The following FRMD4B variants were observed in gnomAD, a reference collection of about 807,000 sequenced individuals.
The protein encoded by FRMD4B is FERM domain-containing protein 4B.
FRMD4B carries 74 observed loss-of-function variants against 141.5 expected under a neutral mutation model. The observed-to-expected ratio is 0.52, with a 90% CI of 0.43 to 0.63. FRMD4B has a LOEUF of 0.63. Ranked by LOEUF, FRMD4B falls within the 30% of genes least tolerant of loss-of-function variation. The pLI is 0.00. For missense variants in FRMD4B, 1,366 were observed against 1,253.4 expected (o/e 1.09, Z -1.36); for synonymous variants, 506 against 467.9 (o/e 1.08, Z -1.05).
At chr3:69,404,555 T>G (rs568661090) in intron 2 of FRMD4B, among the ~76,000 whole-genome samples, 1 of 152,218 alleles carries the variant, frequency 6.6e-6, no homozygotes, top group Admixed American at 6.5e-5. Context: ...TTTATTATTA[T>G]TACTTCTATT....
chr3:69,171,760 C>A lies in FRMD4B; in HGVS notation c.*101G>T. 8.5e-7 allele frequency: 1 copy of A among 1,173,058 alleles called. No individual in the cohort carries two copies. Among genetic ancestry groups the A allele is most frequent in the Non-Finnish European group, 1.2e-6 (1 of 805,172 alleles). 72.7% of individuals were successfully genotyped at this position (1,173,058 alleles called of 1,614,324 possible). Reference sequence around the variant, plus strand: ...AAGTCTTCTCTTCAACCTTTGATGTCTTTAGGTTTCTAAAACGAACATCCT... The same window carrying A: ...AAGTCTTCTCTTCAACCTTTGATGTATTTAGGTTTCTAAAACGAACATCCT... On this transcript the variant is annotated 3_prime_UTR_variant, in exon 23 of 23. Transcript: ENST00000398540.
intron 11 of FRMD4B, among the ~76,000 whole-genome samples, chr3:69,210,191 G>A (rs4645139): frequency 0.97 from 148,265 of 152,288 alleles, 72,293 homozygotes; most frequent in Non-Finnish European, 1. Flanking sequence ...CTTATCTTGA[G>A]AAGCATTTTG....
chr3:69,270,569 C>CTTTTTTTTTTTTTTTTTTTTTT (rs57693333), intron 5 of FRMD4B, among the ~76,000 whole-genome samples: 1 of 144,802 alleles, frequency 6.9e-6, no homozygotes, highest in Non-Finnish European at 1.5e-5. Context: ...TTCTTTTTTT[C>CTTTTTTTTTTTTTTTTTTTTTT]TTTTTTTTTT....
chr3:69,209,118 T>C (rs2093052240), intron 11 of FRMD4B, among the ~76,000 whole-genome samples: 1 of 146,678 alleles, frequency 6.8e-6, no homozygotes, highest in Non-Finnish European at 1.5e-5. Flanking sequence ...CACTCCAGCC[T>C]GGGCAACAGA....
Position 69,220,441 on chromosome 3 carries a change from C to CT in FRMD4B, c.731+1416dup, listed in dbSNP as rs111721782. Among the ~76,000 whole-genome samples, 349 of 152,272 alleles carry CT rather than the reference C, an allele frequency of 2.3e-3. 1 individual carries two copies. Among genetic ancestry groups the CT allele is most frequent in the African/African-American group, 8.0e-3 (331 of 41,556 alleles). On this transcript the variant is annotated intron_variant, in intron 9 of 22. Transcript: ENST00000398540. Reference sequence around the variant, plus strand: ...CCCTTAATGGAAATTGTCACTACTTCTTTTTACTTTTCAGTTCAGAAAACA... The same window carrying CT: ...CCCTTAATGGAAATTGTCACTACTTCTTTTTTACTTTTCAGTTCAGAAAACA...
chr3:69,429,363 G>T (rs1256708179), intron 2 of FRMD4B, among the ~76,000 whole-genome samples: 1 of 152,084 alleles, frequency 6.6e-6, no homozygotes, highest in Non-Finnish European at 1.5e-5. Context: ...GCCCCTACTG[G>T]CATTCTCATC....
At chr3:69,353,504 A>C in intron 1 of FRMD4B, 1 of 858,128 alleles carries the variant, frequency 1.2e-6, no homozygotes, top group Non-Finnish European at 1.4e-6. Flanking sequence ...ACCGTTACAC[A>C]GTCTGCAACT....
At chr3:69,211,444 A>T (rs1308635721) in intron 11 of FRMD4B, among the ~76,000 whole-genome samples, 1 of 152,218 alleles carries the variant, frequency 6.6e-6, no homozygotes, top group Non-Finnish European at 1.5e-5. Flanking sequence ...TATAAATAAA[A>T]GACTTGAAGA....
At chr3:69,262,064 G>A (rs1465367133) in intron 5 of FRMD4B, among the ~76,000 whole-genome samples, 1 of 151,380 alleles carries the variant, frequency 6.6e-6, no homozygotes, top group African/African-American at 2.4e-5. Flanking sequence ...CCTCCCAGGT[G>A]CAAGCGATTC....
chr3:69,230,100 C>T (rs566116322), intron 7 of FRMD4B, among the ~76,000 whole-genome samples: 5 of 151,924 alleles, frequency 3.3e-5, no homozygotes, highest in South Asian at 2.1e-4. Flanking sequence ...CTCAGCTTCC[C>T]GAGTAGCTGG....
intron 2 of FRMD4B, among the ~76,000 whole-genome samples, chr3:69,429,227 A>G (rs1327451845): frequency 6.6e-6 from 1 of 152,244 alleles, no homozygotes; most frequent in Non-Finnish European, 1.5e-5. Context: ...ACACTTGTGC[A>G]TATATCATTT....
At position 69,418,822 on chromosome 3, in the gene FRMD4B, A is replaced by ATGTGTG. The variant is rs147894176; in HGVS notation, c.-1+13806_-1+13811dup. 5.7e-3 allele frequency among the ~76,000 whole-genome samples: 863 copies of ATGTGTG among 150,460 alleles called. 4 individuals carry two copies. The highest frequency in any genetic ancestry group is 0.024 in the South Asian group (112 of 4,732). On this transcript the variant is annotated intron_variant, in intron 2 of 5. Transcript: ENST00000459638. ...CCCAGACTCCTGGCCCATAGCAACT[A>ATGTGTG]TGTGTGTGTGTGTGTGTGTGTATAA...
intron 1 of FRMD4B, among the ~76,000 whole-genome samples, chr3:69,367,385 C>T (rs1703696650): frequency 6.6e-6 from 1 of 152,106 alleles, no homozygotes; most frequent in African/African-American, 2.4e-5. Flanking sequence ...CAGCCCCATC[C>T]CTCCACACAT....
intron 1 of FRMD4B, among the ~76,000 whole-genome samples, chr3:69,466,199 G>T (rs1327307802): frequency 5.9e-5 from 9 of 152,126 alleles, no homozygotes; most frequent in Non-Finnish European, 1.3e-4. Flanking sequence ...CTTTTGAGAA[G>T]TGTCTGTTCA....
intron 8 of FRMD4B, among the ~76,000 whole-genome samples, chr3:69,223,415 T>C (rs2093217516): frequency 6.6e-6 from 1 of 152,140 alleles, no homozygotes; most frequent in Admixed American, 6.5e-5. Context: ...TTTGGGATAC[T>C]GAAGCAGGAG....
chr3:69,431,041 T>C (rs1387874208), intron 2 of FRMD4B, among the ~76,000 whole-genome samples: 1 of 151,832 alleles, frequency 6.6e-6, no homozygotes, highest in African/African-American at 2.4e-5. Flanking sequence ...CCAGGCTGCA[T>C]TGTGCAGTGG....
intron 1 of FRMD4B, among the ~76,000 whole-genome samples, chr3:69,331,909 GAA>G (rs1424206729): frequency 6.6e-6 from 1 of 152,108 alleles, no homozygotes; most frequent in East Asian, 1.9e-4. Context: ...CCAAGATGGT[GAA>G]ACCCTGTCTC....
intron 1 of FRMD4B, among the ~76,000 whole-genome samples, chr3:69,528,486 T>A (rs910844965): frequency 1.3e-5 from 2 of 152,136 alleles, no homozygotes; most frequent in Non-Finnish European, 2.9e-5. Flanking sequence ...CACCTCAGCC[T>A]CCTGAGTAGC....
At chr3:69,524,659 T>A (rs1700906731) in intron 1 of FRMD4B, among the ~76,000 whole-genome samples, 1 of 152,102 alleles carries the variant, frequency 6.6e-6, no homozygotes, top group Non-Finnish European at 1.5e-5. Flanking sequence ...TGGTTAAAGA[T>A]GGCTCTCCAC....
Sources: allele counts gnomAD v4.1 joint callset (sites outside exome capture counted in the v4.1 genomes callset), GRCh38; gene constraint gnomAD v4.1.1; transcripts MANE v1.5; gene names NCBI Gene and HGNC (gene_info 2026-07-23, HGNC 2026-07-21).